Variants in MYL3 observed in about 807,000 individuals in gnomAD.
MYL3 encodes the protein myosin light chain 3, also known as CMLC1.
Under a neutral mutation model 21.3 loss-of-function variants are expected in MYL3, and 11 were observed. That is an observed-to-expected ratio of 0.52 (90% confidence interval 0.32 to 0.85). The LOEUF (loss-of-function observed/expected upper bound fraction) is 0.85, where lower values mean the gene tolerates loss of function less well. Among genes scored for constraint, MYL3 ranks in the 40% least tolerant of loss-of-function variants. The pLI is 0.03. For synonymous variants in MYL3, 88 were observed against 91.6 expected (o/e 0.96, Z 0.22); for missense variants, 206 against 253.3 (o/e 0.81, Z 1.27).
intron 1 of MYL3, among the ~76,000 whole-genome samples, chr3:46,876,428 G>A (rs151272497): frequency 4.6e-5 from 7 of 152,328 alleles, no homozygotes; most frequent in Non-Finnish European, 8.8e-5. Flanking sequence ...AATAGCCTAC[G>A]TGTCCCAGGA....
chr3:46,868,438 C>T (rs1398398203), upstream of MYL3, among the ~76,000 whole-genome samples: 2 of 152,188 alleles, frequency 1.3e-5, no homozygotes, highest in Admixed American at 6.5e-5. Flanking sequence ...ACTGTGCTGA[C>T]GGGGACCAGA....
rs267599847 is a variant in MYL3 at position 46,858,454 on chromosome 3, C to T, written c.489G>A (p.Arg163=). Residue 163 remains arginine (R), a synonymous_variant, in exon 5 of 7, where the codon AGG becomes AGA. Coordinates refer to ENST00000292327, the MANE Select transcript of MYL3 (RefSeq NM_000258.3). ...ACTTCTCCACTTCGTCTTCTGTCAG[C>T]CTCTCACCTGGCAGGAGTGGGAGGC... is the stretch of plus-strand genomic sequence containing the variant. ...LRHVLATLGE[R]LTEDEVEKLM... The T allele has an allele frequency of 6.2e-7, 1 of 1,613,264 alleles. No homozygotes were observed. The highest frequency in any genetic ancestry group is 8.5e-7 in the Non-Finnish European group (1 of 1,179,980).
rs1701990780 is a variant in MYL3, at chr3:46,861,380, AC to A, written c.130-394del. 6.6e-6 allele frequency among the ~76,000 whole-genome samples: 1 copy of A among 152,194 alleles called. No homozygotes were observed. The highest frequency in any genetic ancestry group is 2.1e-4 in the South Asian group (1 of 4,832). ...CTTTGCTTGGGGCCTGGTGGGCAGG[AC>A]TGTCAGCAAAAGTGAGATGGGAGGG... is the stretch of plus-strand genomic sequence containing the variant. On this transcript the variant is annotated intron_variant, in intron 1 of 6. Transcript: ENST00000292327. The surrounding 1 kb of genome is among the most constrained non-coding windows in gnomAD (Gnocchi z 4.2).
upstream of MYL3, among the ~76,000 whole-genome samples, chr3:46,867,155 T>A (rs982513595): frequency 1.3e-5 from 2 of 150,674 alleles, no homozygotes; most frequent in Non-Finnish European, 3.0e-5. Flanking sequence ...GACCAAAGAC[T>A]CCAAGACCCA....
In MYL3 at chr3:46,874,710, G is replaced by A. The variant is rs144868327; in HGVS notation, c.-218+7364C>T. Among the ~76,000 whole-genome samples the A allele has an allele frequency of 1.7e-3, 259 of 152,210 alleles. No homozygotes were observed. Among genetic ancestry groups the A allele is most frequent in the African/African-American group, 5.5e-3 (230 of 41,478 alleles). ...CACGTGTCAAACACGCCTGGGAGGG[G>A]GTATTCCGAGGCACAGACCCCCCCC... On this transcript the variant is annotated intron_variant, in intron 1 of 3. Transcript: ENST00000431168. This position sits in a 1 kb window ranked among gnomAD's most constrained non-coding sequence, Gnocchi z 4.1.
Position 46,859,987 on chromosome 3 carries a change from C to T in MYL3, c.308-339G>A, listed in dbSNP as rs556535311. Among the ~76,000 whole-genome samples, 21 of 152,272 alleles carry T rather than the reference C, an allele frequency of 1.4e-4. No individual in the cohort carries two copies. The highest frequency in any genetic ancestry group is 1.2e-3 in the Admixed American group (19 of 15,296). ...GCATTTTCTTATAGACCTCACCCTC[C>T]ACCACCTGTGATTGGGTCAGGAGCA... On this transcript the variant is annotated intron_variant, in intron 3 of 6. Coordinates refer to ENST00000292327, the MANE Select transcript of MYL3 (RefSeq NM_000258.3). This position sits in a 1 kb window ranked among gnomAD's most constrained non-coding sequence, Gnocchi z 4.1.
At chr3:46,881,423 C>T (rs1038607400) in intron 1 of MYL3, among the ~76,000 whole-genome samples, 1 of 152,136 alleles carries the variant, frequency 6.6e-6, no homozygotes, top group Non-Finnish European at 1.5e-5. Flanking sequence ...CCGAGCCGGC[C>T]GATAGCTTTT....
At position 46,859,546 on chromosome 3, in the gene MYL3, A is replaced by T; in HGVS notation, c.410T>A (p.Leu137Gln). Reference sequence around the variant, plus strand: ...ATTGCCCTCCTTGTCGAAGACCCGCAGCCCCTCCACGAAGTCCTCATAGGT... The same window carrying T: ...ATTGCCCTCCTTGTCGAAGACCCGCTGCCCCTCCACGAAGTCCTCATAGGT... ...TGTYEDFVEG[L>Q]RVFDKEGNGT... The change falls in exon 4 of 7, where the codon CTG (leucine) becomes CAG (glutamine). Residue 137 changes from leucine (L) to glutamine (Q), a missense_variant. By Grantham distance (113) the Leu-to-Gln change is moderately radical. Coordinates refer to ENST00000292327, the MANE Select transcript of MYL3 (RefSeq NM_000258.3). This position sits in a 1 kb window ranked among gnomAD's most constrained non-coding sequence, Gnocchi z 4.1. 6.2e-7 allele frequency: 1 copy of T among 1,614,180 alleles called. No homozygotes were observed. Among genetic ancestry groups the T allele is most frequent in the Non-Finnish European group, 8.5e-7 (1 of 1,180,042 alleles).
At position 46,879,766 on chromosome 3, in the gene MYL3, G is replaced by A. The variant is rs1192120603; in HGVS notation, c.-218+2308C>T. ...TGTCTGGGGAAAAAAAAAATGCTGCGTGTGGTGGCTCACGCTTGTAATCTC... is the reference window on the plus strand; with the variant it reads ...TGTCTGGGGAAAAAAAAAATGCTGCATGTGGTGGCTCACGCTTGTAATCTC... On this transcript the variant is annotated intron_variant, in intron 1 of 3. Coordinates refer to the MYL3 transcript ENST00000431168. The surrounding 1 kb of genome is among the most constrained non-coding windows in gnomAD (Gnocchi z 4.7). 1.3e-5 allele frequency among the ~76,000 whole-genome samples: 2 copies of A among 151,506 alleles called. No homozygotes were observed. Among genetic ancestry groups the A allele is most frequent in the East Asian group, 3.9e-4 (2 of 5,148 alleles).
At chr3:46,867,259 C>G (rs896362078), upstream of MYL3, among the ~76,000 whole-genome samples, 4 of 152,106 alleles carry the variant, frequency 2.6e-5, no homozygotes, top group Non-Finnish European at 4.4e-5. Flanking sequence ...ATCCAGGACT[C>G]AAGCCCCAGG....
chr3:46,874,160 C>A lies in MYL3; in HGVS notation c.-217-7560G>T, dbSNP rs918651901. On this transcript the variant is annotated intron_variant, in intron 1 of 3. Coordinates refer to the MYL3 transcript ENST00000431168. The surrounding 1 kb of genome is among the most constrained non-coding windows in gnomAD (Gnocchi z 4.1). Reference sequence around the variant, plus strand: ...TCCCATACACGGTTTTATAAACTTCCCTGAGTGCTTCCCCTCTCCAGCCAG... The same window carrying A: ...TCCCATACACGGTTTTATAAACTTCACTGAGTGCTTCCCCTCTCCAGCCAG... Among the ~76,000 whole-genome samples, 1 of 152,204 alleles carries A rather than the reference C, an allele frequency of 6.6e-6. No homozygotes were observed. The highest frequency in any genetic ancestry group is 2.4e-5 in the African/African-American group (1 of 41,440).
rs34779851 is a variant in MYL3 at position 46,861,721 on chromosome 3, C to G, written c.130-734G>C. 6.6e-6 allele frequency among the ~76,000 whole-genome samples: 1 copy of G among 151,992 alleles called. No individual in the cohort carries two copies. The highest frequency in any genetic ancestry group is 1.5e-5 in the Non-Finnish European group (1 of 68,002). ...GATTGACGTCAATCAAGAGGCCTCC[C>G]GGGATCCAGTGTCCCCCTCCTCACC... On this transcript the variant is annotated intron_variant, in intron 1 of 6. Coordinates refer to ENST00000292327, the MANE Select transcript of MYL3 (RefSeq NM_000258.3). The surrounding 1 kb of genome is among the most constrained non-coding windows in gnomAD (Gnocchi z 4.2).
At chr3:46,871,156 T>C (rs1334873557) in intron 1 of MYL3, among the ~76,000 whole-genome samples, 1 of 152,128 alleles carries the variant, frequency 6.6e-6, no homozygotes, top group Admixed American at 6.5e-5. Context: ...CACCCAGGTA[T>C]AATTTCCAGG....
In MYL3 at chr3:46,879,270, T is replaced by C. The variant is rs1395978693; in HGVS notation, c.-218+2804A>G. Among the ~76,000 whole-genome samples, 2 of 152,198 alleles carry C rather than the reference T, an allele frequency of 1.3e-5. No homozygotes were observed. The highest frequency in any genetic ancestry group is 2.4e-5 in the African/African-American group (1 of 41,448). ...CTCATCCTCCCAAGTACAAGTAGTA[T>C]GTTTCCAAATCTCAAGTTTTCCCTG... is the stretch of plus-strand genomic sequence containing the variant. On this transcript the variant is annotated intron_variant, in intron 1 of 3. Transcript: ENST00000431168. The surrounding 1 kb of genome is among the most constrained non-coding windows in gnomAD (Gnocchi z 4.7).
Position 46,859,714 on chromosome 3 carries a change from TG to T in MYL3, c.308-67del. The T allele has an allele frequency of 6.4e-7, 1 of 1,565,076 alleles. No homozygotes were observed. Among genetic ancestry groups the T allele is most frequent in the Non-Finnish European group, 8.8e-7 (1 of 1,136,060 alleles). On this transcript the variant is annotated intron_variant, in intron 3 of 6. Coordinates refer to ENST00000292327, the MANE Select transcript of MYL3 (RefSeq NM_000258.3). The surrounding 1 kb of genome is among the most constrained non-coding windows in gnomAD (Gnocchi z 4.1). ...GGTGGGCACACCCCTCCCCCATGCC[TG>T]ATAATGAGGAGCTATCCCCACCTCT... is the stretch of plus-strand genomic sequence containing the variant.
At chr3:46,864,878 C>T (rs1702033162), upstream of MYL3, among the ~76,000 whole-genome samples, 1 of 152,236 alleles carries the variant, frequency 6.6e-6, no homozygotes, top group Non-Finnish European at 1.5e-5. This position sits in a 1 kb window ranked among gnomAD's most constrained non-coding sequence, Gnocchi z 4.7. Context: ...TGGCACAAGG[C>T]TCTTCCCGCA....
intron 1 of MYL3, among the ~76,000 whole-genome samples, chr3:46,876,101 T>G (rs1359864445): frequency 6.6e-6 from 1 of 152,240 alleles, no homozygotes; most frequent in East Asian, 1.9e-4. Flanking sequence ...AAGACCCAAG[T>G]GCCTGGGCAC....
At position 46,860,077 on chromosome 3, in the gene MYL3, C is replaced by CTT. The variant is rs201879063; in HGVS notation, c.308-431_308-430dup. ...CTTGGTGGGGGCTTGGGCCTCACTC[C>CTT]TTTTTTTTTTTTTAGCTTTAAAATT... On this transcript the variant is annotated intron_variant, in intron 3 of 6. Coordinates refer to ENST00000292327, the MANE Select transcript of MYL3 (RefSeq NM_000258.3). This position sits in a 1 kb window ranked among gnomAD's most constrained non-coding sequence, Gnocchi z 4.6. 6.3e-5 allele frequency among the ~76,000 whole-genome samples: 9 copies of CTT among 142,632 alleles called. No homozygotes were observed. Among genetic ancestry groups the CTT allele is most frequent in the African/African-American group, 1.5e-4 (6 of 38,934 alleles). The allele number at this position is 142,632 out of a possible 152,430, so 93.6% of individuals were successfully genotyped here. A position where few individuals can be genotyped will look rare whatever the true frequency, so the allele number is the denominator to read the frequency against.
chr3:46,877,323 T>C (rs965014463), intron 1 of MYL3, among the ~76,000 whole-genome samples: 1 of 152,198 alleles, frequency 6.6e-6, no homozygotes, highest in Admixed American at 6.5e-5. Flanking sequence ...CTCTGATTTC[T>C]CTGGGTGCCT....
Sources: allele counts gnomAD v4.1 joint callset (sites outside exome capture counted in the v4.1 genomes callset), GRCh38; gene constraint gnomAD v4.1.1; non-coding constraint Gnocchi (gnomAD v3.1); transcripts MANE v1.5; gene names NCBI Gene and HGNC (gene_info 2026-07-23, HGNC 2026-07-21).